The following GLS variants were observed in gnomAD, a reference collection of about 807,000 sequenced individuals.
The protein encoded by GLS is glutaminase.
In GLS, 36 loss-of-function variants were observed where a neutral mutation model predicts 86.7. The observed-to-expected ratio is 0.42, with a 90% CI of 0.32 to 0.55. The LOEUF (loss-of-function observed/expected upper bound fraction) is 0.55. Among genes scored for constraint, GLS ranks in the 20% least tolerant of loss-of-function variants. The pLI, the probability that GLS is intolerant of heterozygous loss-of-function variation, is 0.17. For synonymous variants in GLS, 317 were observed against 305.9 expected (o/e 1.04, Z -0.38); for missense variants, 528 against 833.4 (o/e 0.63, Z 4.51).
At chr2:190,900,969 C>T (rs1225009424) in intron 4 of GLS, among the ~76,000 whole-genome samples, 1 of 152,058 alleles carries the variant, frequency 6.6e-6, no homozygotes, top group African/African-American at 2.4e-5. Flanking sequence ...AAATCTTATT[C>T]AGAATTTCTG....
chr2:190,929,450 A>G (rs1690027531), intron 12 of GLS, among the ~76,000 whole-genome samples: 1 of 151,696 alleles, frequency 6.6e-6, no homozygotes. Context: ...TTCTATATTC[A>G]TATCTATCCC....
At chr2:190,932,911 A>C in intron 14 of GLS, 2 of 1,396,116 alleles carry the variant, frequency 1.4e-6, no homozygotes, top group Admixed American at 2.8e-5. Flanking sequence ...TCTTTCAAAC[A>C]TCTTTAGCTT....
intron 5 of GLS, among the ~76,000 whole-genome samples, chr2:190,903,370 CATTATT>C (rs1689019751): frequency 6.6e-6 from 1 of 152,136 alleles, no homozygotes; most frequent in African/African-American, 2.4e-5. Flanking sequence ...TTTTTTCTTT[CATTATT>C]ATATGCCTTT....
chr2:190,930,094 T>TC lies in GLS; in HGVS notation c.1426-342dup, dbSNP rs1399392537. 6.6e-6 allele frequency among the ~76,000 whole-genome samples: 1 copy of TC among 150,936 alleles called. No homozygotes were observed. Among genetic ancestry groups the TC allele is most frequent in the East Asian group, 2.0e-4 (1 of 5,086 alleles). The stretch of plus-strand genomic sequence containing the variant: ...TGTTTTTTTTTTTTTTGAAACTGGA[T>TC]CTTGCTCTGTCATCCAGGCTGGAGT... On this transcript the variant is annotated intron_variant, in intron 12 of 17. Coordinates refer to ENST00000320717, the MANE Select transcript of GLS (RefSeq NM_014905.5). This position sits in a 1 kb window ranked among gnomAD's most constrained non-coding sequence, Gnocchi z 5.0.
chr2:190,927,111 A>T (rs1410707663), intron 11 of GLS, 195 bp from the exon 12 acceptor site: 3 of 500,066 alleles, frequency 6.0e-6, no homozygotes, highest in Non-Finnish European at 7.0e-6. Flanking sequence ...TCTTTGGCCA[A>T]ATCAGGGTAA....
At chr2:190,940,291 C>T (rs1574612496) in intron 14 of GLS, among the ~76,000 whole-genome samples, 1 of 151,884 alleles carries the variant, frequency 6.6e-6, no homozygotes, top group Non-Finnish European at 1.5e-5. Flanking sequence ...GATGAATAAA[C>T]GTTGCATCTA....
chr2:190,885,335 G>C (rs923564405), intron 1 of GLS, among the ~76,000 whole-genome samples: 1 of 152,036 alleles, frequency 6.6e-6, no homozygotes, highest in Non-Finnish European at 1.5e-5. Context: ...GGGATTACAG[G>C]CACCCGCCAC....
chr2:190,900,665 A>C lies in GLS; in HGVS notation c.707A>C (p.Glu236Ala). The change falls in exon 4 of 18, where the codon GAA (glutamate) becomes GCA (alanine). Residue 236 changes from glutamate to alanine, a missense_variant. Glu to Ala is a moderately radical substitution (Grantham distance 107). Coordinates refer to ENST00000320717, the MANE Select transcript of GLS (RefSeq NM_014905.5). ...ACCTCACACATTGATGAGTTATATG[A>C]AAGTGCTAAAAAGCAGTCTGGAGGA... ...SFTSHIDELY[E>A]SAKKQSGGKV... 1 of 1,606,518 alleles carries C rather than the reference A, an allele frequency of 6.2e-7. No individual in the cohort carries two copies. Among genetic ancestry groups the C allele is most frequent in the Non-Finnish European group, 8.5e-7 (1 of 1,173,970 alleles).
rs904073686 is a variant in GLS at position 190,905,902 on chromosome 2, G to A, written c.979+735G>A. Among the ~76,000 whole-genome samples the A allele has an allele frequency of 7.2e-5, 11 of 152,050 alleles. No homozygotes were observed. Among genetic ancestry groups the A allele is most frequent in the African/African-American group, 2.6e-4 (11 of 41,516 alleles). On this transcript the variant is annotated intron_variant, in intron 6 of 17. Coordinates refer to ENST00000320717, the MANE Select transcript of GLS (RefSeq NM_014905.5). This position sits in a 1 kb window ranked among gnomAD's most constrained non-coding sequence, Gnocchi z 4.6. ...AGATATAGAATTGAAGAAAGTGAGAGCGAAGTTTGTAGTAATGGCTGTGAG... is the reference window on the plus strand; with the variant it reads ...AGATATAGAATTGAAGAAAGTGAGAACGAAGTTTGTAGTAATGGCTGTGAG...
At chr2:190,904,949 C>T in intron 5 of GLS, 55 bp from the exon 6 acceptor site, 2 of 958,582 alleles carry the variant, frequency 2.1e-6, no homozygotes, top group Middle Eastern at 2.1e-4. Context: ...TCCAACTATG[C>T]AGTTACATTT....
At chr2:190,929,164 T>C (rs1255684319) in intron 12 of GLS, among the ~76,000 whole-genome samples, 2 of 149,252 alleles carry the variant, frequency 1.3e-5, no homozygotes, top group Non-Finnish European at 1.5e-5. Flanking sequence ...TGACATTAAT[T>C]TTTTTTTTTA....
At chr2:190,961,693 T>G (rs796745961) in intron 17 of GLS, among the ~76,000 whole-genome samples, 6 of 150,008 alleles carry the variant, frequency 4.0e-5, no homozygotes, top group African/African-American at 1.3e-4. Flanking sequence ...TCAGCTGTTT[T>G]TTTTTTTTTT....
At chr2:190,885,312 C>G (rs770554258) in intron 1 of GLS, among the ~76,000 whole-genome samples, 13 of 152,092 alleles carry the variant, frequency 8.5e-5, no homozygotes, top group Non-Finnish European at 1.3e-4. Flanking sequence ...CTGCCTCAGC[C>G]TCCCGAGTAG....
chr2:190,959,097 G>T (rs1690933555), intron 17 of GLS, among the ~76,000 whole-genome samples: 2 of 152,128 alleles, frequency 1.3e-5, no homozygotes, highest in Admixed American at 6.5e-5. Flanking sequence ...ATGAATCTGG[G>T]TGCTCCTGTA....
rs1690091261 is a variant in GLS, at chr2:190,930,992, A to G, written c.1557+424A>G. ...GGAAATAAGCACTGAAAATTAAAAA[A>G]AGATTAAACCATTTTTAAACTGTTA... On this transcript the variant is annotated intron_variant, in intron 13 of 17. Transcript: ENST00000320717. The surrounding 1 kb of genome is among the most constrained non-coding windows in gnomAD (Gnocchi z 5.0). 6.6e-6 allele frequency among the ~76,000 whole-genome samples: 1 copy of G among 152,208 alleles called. No individual in the cohort carries two copies.
chr2:190,898,555 T>C lies in GLS; in HGVS notation c.606-2009T>C, dbSNP rs144174340. On this transcript the variant is annotated intron_variant, in intron 3 of 17. Transcript: ENST00000320717. ...CTGTTAATATTACCAGTGAAGGCTG[T>C]TGGAACAGCTTTACCAGCACCTTCT... 1.5e-4 allele frequency among the ~76,000 whole-genome samples: 23 copies of C among 152,374 alleles called. No homozygotes were observed. The East Asian group carries it at 4.4e-3, about 29-fold the overall frequency.
intron 14 of GLS, chr2:190,933,037 G>C (rs1171004700): frequency 3.9e-5 from 43 of 1,100,550 alleles, no homozygotes; most frequent in Non-Finnish European, 4.7e-5. Context: ...AGATTAAGAA[G>C]TGCATTTGTT....
In GLS at chr2:190,962,928, A is replaced by T; in HGVS notation, c.1952A>T (p.Asp651Val). Residue 651 changes from aspartate (D) to valine (V), a missense_variant, in exon 18 of 18, where the codon GAT (aspartate) becomes GTT (valine). Asp to Val is a radical substitution (Grantham distance 152, BLOSUM62 -3). Around this residue, in one of 4 missense-constraint regions of GLS, gnomAD observed 30 missense variants for 36.9 expected, o/e 0.81. Coordinates refer to ENST00000320717, the MANE Select transcript of GLS (RefSeq NM_014905.5). This position sits in a 1 kb window ranked among gnomAD's most constrained non-coding sequence, Gnocchi z 4.2. ...EYQVQYTPQG[D>V]SDNGKENQTV... ...CAAGTCCAGTACACACCTCAAGGAG[A>T]TTCTGACAACGGGAAGGAAAATCAA... is the stretch of plus-strand genomic sequence containing the variant. 2 of 1,610,780 alleles carry T rather than the reference A, an allele frequency of 1.2e-6. No homozygotes were observed.
At chr2:190,916,758 G>A (rs1195481528) in intron 7 of GLS, among the ~76,000 whole-genome samples, 1 of 152,022 alleles carries the variant, frequency 6.6e-6, no homozygotes, top group East Asian at 1.9e-4. Flanking sequence ...AGTGAAGATT[G>A]CAAAAAAGCA....
Sources: gnomAD v4.1 joint callset for allele counts (sites outside exome capture counted in the v4.1 genomes callset) on GRCh38, gnomAD v4.1.1 for gene constraint, gnomAD v4.1.1 regional missense constraint, Gnocchi (gnomAD v3.1) non-coding constraint, MANE v1.5 for transcripts, NCBI Gene and HGNC (gene_info 2026-07-23, HGNC 2026-07-21) for gene names.